TTC28: variants seen among roughly 807,000 people sequenced by gnomAD.
TTC28 encodes tetratricopeptide repeat domain 28, also known as tetratricopeptide repeat protein 28.
TTC28 carries 61 observed loss-of-function variants against 198.0 expected under a neutral mutation model. The observed-to-expected ratio is 0.31, with a 90% CI of 0.25 to 0.38. The LOEUF (loss-of-function observed/expected upper bound fraction) is 0.38, where lower values mean the gene tolerates loss of function less well. TTC28 is among the 10% of genes least tolerant of loss of function. The pLI, the probability that TTC28 is intolerant of heterozygous loss-of-function variation, is 1.00. For missense variants in TTC28, 2,678 were observed against 3,164.0 expected, an observed-to-expected ratio of 0.85 and a Z score of 3.69; for synonymous variants, 1,171 against 1,297.8, an observed-to-expected ratio of 0.90 and a Z score of 2.10.
chr22:28,317,915 G>T (rs573023695), intron 2 of TTC28, among the ~76,000 whole-genome samples: 1 of 151,986 alleles, frequency 6.6e-6, no homozygotes, highest in South Asian at 2.1e-4. Flanking sequence ...CACTGCTTTT[G>T]CTTGTTGTTT....
chr22:28,226,794 C>T (rs1017609122), intron 5 of TTC28, among the ~76,000 whole-genome samples: 2 of 152,194 alleles, frequency 1.3e-5, no homozygotes, highest in African/African-American at 4.8e-5. Context: ...ATCTGTTCAA[C>T]TCTTTTGTCA....
chr22:28,012,877 C>T (rs1313214585), intron 14 of TTC28, among the ~76,000 whole-genome samples: 2 of 152,152 alleles, frequency 1.3e-5, no homozygotes, highest in African/African-American at 4.8e-5. Context: ...TCCTCATTTT[C>T]TAATGAGGAA....
chr22:28,551,831 C>T (rs1302934455), intron 2 of TTC28, among the ~76,000 whole-genome samples: 1 of 152,136 alleles, frequency 6.6e-6, no homozygotes, highest in East Asian at 1.9e-4. Flanking sequence ...ACAAGGATGT[C>T]CTCTTTCACC....
At chr22:28,306,777 T>TTCATTTCATTACCAACTGTTC in intron 2 of TTC28, 134 bp from the exon 3 acceptor site, 1 of 920,664 alleles carries the variant, frequency 1.1e-6, no homozygotes, top group Non-Finnish European at 1.6e-6. Context: ...GAACAGTTGG[T>TTCATTTCATTACCAACTGTTC]AATGAAATGA....
chr22:28,414,122 T>C (rs1399422728), intron 2 of TTC28, among the ~76,000 whole-genome samples: 2 of 152,242 alleles, frequency 1.3e-5, no homozygotes, highest in African/African-American at 2.4e-5. Context: ...GTACGCACAT[T>C]TGAAATAAGT....
chr22:28,163,413 C>G lies in TTC28; in HGVS notation c.1120G>C (p.Val374Leu), dbSNP rs755613041. 4.5e-6 allele frequency: 7 copies of G among 1,551,792 alleles called. No homozygotes were observed. Among genetic ancestry groups the G allele is most frequent in the East Asian group, 4.9e-5 (2 of 40,930 alleles). Residue 374 changes from valine (V) to leucine (L), a missense_variant, in exon 6 of 23, where the codon GTG becomes CTG. Transcript: ENST00000397906. ...YIAMGDFENA[V>L]QCHEQHLKIA... ...TTCAGATGCTGCTCATGGCACTGCA[C>G]AGCATTCTCAAAGTCACCCATGGCA...
At chr22:28,544,349 CAATT>C (rs1329527654) in intron 2 of TTC28, among the ~76,000 whole-genome samples, 15 of 152,124 alleles carry the variant, frequency 9.9e-5, no homozygotes, top group African/African-American at 3.1e-4. Context: ...ACCATGTAAT[CAATT>C]AAACAGATAT....
intron 2 of TTC28, among the ~76,000 whole-genome samples, chr22:28,328,518 C>G (rs745556959): frequency 6.6e-6 from 1 of 151,848 alleles, no homozygotes. Context: ...CTCTGGGAGG[C>G]CGAGGCGGGT....
intron 6 of TTC28, among the ~76,000 whole-genome samples, chr22:28,116,765 G>A (rs1942640270): frequency 6.6e-6 from 1 of 152,212 alleles, no homozygotes; most frequent in Non-Finnish European, 1.5e-5. Context: ...AGCTGAACCA[G>A]TACCATCTCC....
chr22:28,124,841 G>C (rs1045557525), intron 6 of TTC28, among the ~76,000 whole-genome samples: 1 of 152,160 alleles, frequency 6.6e-6, no homozygotes, highest in Admixed American at 6.5e-5. Flanking sequence ...TGAGGTAGAA[G>C]GTAGAGGTAA....
intron 12 of TTC28, among the ~76,000 whole-genome samples, chr22:28,031,717 T>C (rs1332567400): frequency 6.6e-6 from 1 of 152,148 alleles, no homozygotes; most frequent in Non-Finnish European, 1.5e-5. Context: ...CATGGTGTGA[T>C]GGCTAAATTT....
At chr22:28,279,913 C>T (rs933611025) in intron 5 of TTC28, among the ~76,000 whole-genome samples, 4 of 152,206 alleles carry the variant, frequency 2.6e-5, no homozygotes, top group Admixed American at 2.6e-4. Context: ...ATTTCTTTCA[C>T]ACAGTGTAAT....
chr22:28,443,869 C>T (rs1438790115), intron 2 of TTC28, among the ~76,000 whole-genome samples: 1 of 151,882 alleles, frequency 6.6e-6, no homozygotes, highest in Admixed American at 6.6e-5. Flanking sequence ...ACTTGTAAGG[C>T]AGTTATATCT....
At chr22:28,116,990 C>T (rs1942650759) in intron 6 of TTC28, among the ~76,000 whole-genome samples, 1 of 152,176 alleles carries the variant, frequency 6.6e-6, no homozygotes, top group African/African-American at 2.4e-5. Flanking sequence ...TAGACTTTAC[C>T]AATGCTCCCT....
At chr22:28,660,591 T>C (rs2051727100) in intron 1 of TTC28, among the ~76,000 whole-genome samples, 1 of 152,108 alleles carries the variant, frequency 6.6e-6, no homozygotes, top group South Asian at 2.1e-4. Flanking sequence ...GTGGCGCTAT[T>C]CGGCTCACTG....
At position 27,998,825 on chromosome 22, in the gene TTC28, G is replaced by A. The variant is rs780864364; in HGVS notation, c.4834C>T (p.Leu1612=). The A allele has an allele frequency of 5.8e-6, 9 of 1,550,406 alleles. No homozygotes were observed. Among genetic ancestry groups the A allele is most frequent in the Admixed American group, 3.9e-5 (2 of 51,012 alleles). ...AGCTTCACAGGCAGCTGCAGGTCCA[G>A]GACGTCGGCGGCAGTAAGCAGCAGC... ...QELLLTAADV[L]DLQLPVKLVV... is the part of the protein sequence containing the mutation. The change falls in exon 16 of 23, where the codon CTG becomes TTG. Residue 1612 remains leucine, a synonymous_variant. Transcript: ENST00000397906.
At chr22:28,294,381 T>A (rs2044848258) in intron 5 of TTC28, among the ~76,000 whole-genome samples, 1 of 151,988 alleles carries the variant, frequency 6.6e-6, no homozygotes, top group Non-Finnish European at 1.5e-5. Flanking sequence ...GGCAGAAAAA[T>A]TTCATTCCTC....
intron 3 of TTC28, among the ~76,000 whole-genome samples, chr22:28,299,373 G>C (rs182015090): frequency 6.6e-6 from 1 of 152,156 alleles, no homozygotes; most frequent in Non-Finnish European, 1.5e-5. Context: ...GCTCTTGTCT[G>C]AGTCAACAAT....
intron 2 of TTC28, among the ~76,000 whole-genome samples, chr22:28,347,100 C>A (rs894474629): frequency 3.3e-5 from 5 of 151,328 alleles, no homozygotes; most frequent in South Asian, 2.1e-4. Flanking sequence ...CCATCTCCCC[C>A]AAAAAATACA....
Sources: gnomAD v4.1 joint callset for allele counts (sites outside exome capture counted in the v4.1 genomes callset) on GRCh38, gnomAD v4.1.1 for gene constraint, MANE v1.5 for transcripts, NCBI Gene and HGNC (gene_info 2026-07-23, HGNC 2026-07-21) for gene names.